The following ULK2 variants were observed in gnomAD, a reference collection of about 807,000 sequenced individuals.
ULK2 encodes the protein serine/threonine-protein kinase ULK2.
Under a neutral mutation model 127.5 loss-of-function variants are expected in ULK2, and 76 were observed. The observed-to-expected ratio is 0.60, with a 90% CI of 0.50 to 0.72. ULK2 has a LOEUF of 0.72. Ranked by LOEUF, ULK2 falls within the 30% of genes least tolerant of loss-of-function variation. The pLI is 0.00. For missense variants in ULK2, 1,144 were observed against 1,295.9 expected, an observed-to-expected ratio of 0.88 and a Z score of 1.80; for synonymous variants, 452 against 461.9, an observed-to-expected ratio of 0.98 and a Z score of 0.28.
intron 14 of ULK2, among the ~76,000 whole-genome samples, chr17:19,809,723 ACTCC>A (rs2087588588): frequency 1.1e-5 from 1 of 88,244 alleles, no homozygotes; most frequent in Non-Finnish European, 2.2e-5. Context: ...ACAGGACGAG[ACTCC>A]GTCTCAAAAA....
At chr17:19,819,368 TC>T (rs2041079404) in intron 12 of ULK2, among the ~76,000 whole-genome samples, 1 of 152,192 alleles carries the variant, frequency 6.6e-6, no homozygotes, top group South Asian at 2.1e-4. Context: ...TCTTGGGGAC[TC>T]CTTCTGAGTC....
intron 14 of ULK2, among the ~76,000 whole-genome samples, chr17:19,807,337 C>T (rs1041049278): frequency 6.6e-6 from 1 of 152,064 alleles, no homozygotes; most frequent in Non-Finnish European, 1.5e-5. Context: ...GGGAAGCAAT[C>T]AGAAGGGTAG....
At chr17:19,836,026 G>C (rs2041587753) in intron 10 of ULK2, among the ~76,000 whole-genome samples, 1 of 151,866 alleles carries the variant, frequency 6.6e-6, no homozygotes, top group African/African-American at 2.4e-5. Flanking sequence ...CAGCACTTTG[G>C]GAGGCCAAGG....
At chr17:19,804,964 A>G in intron 14 of ULK2, 134 bp from the exon 15 acceptor site, 1 of 1,018,244 alleles carries the variant, frequency 9.8e-7, no homozygotes, top group Non-Finnish European at 1.3e-6. Flanking sequence ...ATAAGAAATG[A>G]TCTTGTTAAA....
In ULK2 at chr17:19,857,104, G is replaced by A. The variant is rs551036423; in HGVS notation, c.226-7330C>T. ...GCAGATCACCTGAGGTCGGGAGTTC[G>A]AGACCAGGCTGGCCAATACGGCAAA... is the stretch of plus-strand genomic sequence containing the variant. On this transcript the variant is annotated intron_variant, in intron 3 of 26. Transcript: ENST00000395544. Among the ~76,000 whole-genome samples, 18 of 151,324 alleles carry A rather than the reference G, an allele frequency of 1.2e-4. No individual in the cohort carries two copies. The South Asian group carries it at 3.3e-3, about 28-fold the overall frequency.
rs2087025104 is a variant in ULK2 at position 19,786,096 on chromosome 17, A to C, written c.2102-10T>G. 1.3e-6 allele frequency: 2 copies of C among 1,559,536 alleles called. No homozygotes were observed. Among genetic ancestry groups the C allele is most frequent in the African/African-American group, 2.8e-5 (2 of 70,576 alleles). On this transcript the variant is annotated splice_polypyrimidine_tract_variant and intron_variant, in intron 20 of 26. Coordinates refer to ENST00000395544, the MANE Select transcript of ULK2 (RefSeq NM_014683.4). ...CAGGCTCCTGCCGGAGCTACAACAA[A>C]AAGTTTATAGAAGGTCATATTACCC...
chr17:19,817,177 T>G (rs916141338), intron 12 of ULK2, among the ~76,000 whole-genome samples: 3 of 152,206 alleles, frequency 2.0e-5, no homozygotes, highest in Middle Eastern at 3.2e-3. Context: ...CCGCATGTAC[T>G]TGCCTCCCTC....
At chr17:19,797,885 A>G (rs1216233384) in intron 17 of ULK2, among the ~76,000 whole-genome samples, 1 of 152,134 alleles carries the variant, frequency 6.6e-6, no homozygotes, top group East Asian at 1.9e-4. Flanking sequence ...TTCTCAGGAG[A>G]CAGAATTTAA....
At chr17:19,781,379 T>C (rs2086917045) in intron 23 of ULK2, among the ~76,000 whole-genome samples, 1 of 151,684 alleles carries the variant, frequency 6.6e-6, no homozygotes, top group Admixed American at 6.6e-5. Context: ...ATATTAATAG[T>C]TGGGACCACA....
chr17:19,834,113 G>A (rs775433623), intron 10 of ULK2, among the ~76,000 whole-genome samples: 6 of 152,060 alleles, frequency 3.9e-5, no homozygotes, highest in African/African-American at 1.4e-4. Context: ...AGATTAACAG[G>A]TGACTTCTCA....
intron 8 of ULK2, 132 bp from the exon 9 acceptor site, chr17:19,841,679 G>A (rs1236857604): frequency 6.6e-6 from 4 of 604,478 alleles, no homozygotes; most frequent in Non-Finnish European, 1.1e-5. Context: ...CTGCTGACAG[G>A]AAAGGAGGGA....
intron 12 of ULK2, 63 bp downstream of exon 12, chr17:19,825,031 T>C (rs762967198): frequency 2.1e-6 from 3 of 1,419,030 alleles, no homozygotes; most frequent in Non-Finnish European, 3.0e-6. Flanking sequence ...ATGTGCATGC[T>C]CCATTTGAGA....
chr17:19,826,798 A>G (rs2041307823), intron 10 of ULK2, among the ~76,000 whole-genome samples: 1 of 152,104 alleles, frequency 6.6e-6, no homozygotes, highest in Admixed American at 6.5e-5. Flanking sequence ...TCTACTAAAG[A>G]TACAAAAAAT....
chr17:19,802,298 T>C (rs2087417125), intron 15 of ULK2, among the ~76,000 whole-genome samples: 2 of 152,230 alleles, frequency 1.3e-5, no homozygotes, highest in South Asian at 4.1e-4. Context: ...AGGTCCTGTT[T>C]ATACTCTTAA....
intron 26 of ULK2, among the ~76,000 whole-genome samples, chr17:19,777,053 A>C (rs1480466851): frequency 6.6e-6 from 1 of 152,124 alleles, no homozygotes; most frequent in Non-Finnish European, 1.5e-5. Context: ...ATTTATCTAT[A>C]TATCTATCTA....
At chr17:19,821,950 T>C (rs2041157925) in intron 12 of ULK2, among the ~76,000 whole-genome samples, 1 of 151,208 alleles carries the variant, frequency 6.6e-6, no homozygotes, top group Non-Finnish European at 1.5e-5. Context: ...CCTTCCAAAG[T>C]GCTGGGATTA....
chr17:19,819,864 A>T (rs2041092680), intron 12 of ULK2, among the ~76,000 whole-genome samples: 1 of 152,078 alleles, frequency 6.6e-6, no homozygotes, highest in Non-Finnish European at 1.5e-5. Context: ...TGACGACAAC[A>T]ACAATGATGA....
intron 9 of ULK2, 61 bp downstream of exon 9, chr17:19,841,428 A>G: frequency 7.0e-7 from 1 of 1,436,886 alleles, no homozygotes; most frequent in Non-Finnish European, 9.5e-7. Flanking sequence ...AAACACAAAC[A>G]GTTCAAATAA....
intron 25 of ULK2, among the ~76,000 whole-genome samples, chr17:19,778,218 A>G (rs1198257662): frequency 6.6e-6 from 1 of 152,256 alleles, no homozygotes; most frequent in Non-Finnish European, 1.5e-5. Context: ...TGCGCCTACA[A>G]TGAAGGAGAG....
Sources: allele counts gnomAD v4.1 joint callset (sites outside exome capture counted in the v4.1 genomes callset), GRCh38; gene constraint gnomAD v4.1.1; transcripts MANE v1.5; gene names NCBI Gene and HGNC (gene_info 2026-07-23, HGNC 2026-07-21).